Variants in ZNF331 observed in about 807,000 individuals in gnomAD.
ZNF331 encodes zinc finger protein 331, also known as C2H2-like zinc finger protein rearranged in thyroid adenomas.
A neutral mutation model predicts 7.0 loss-of-function variants in ZNF331; 2 were observed. The observed-to-expected ratio is 0.29, with a 90% CI of 0.12 to 0.90. The LOEUF is 0.90. ZNF331 is among the 40% of genes least tolerant of loss of function. ZNF331 has a pLI of 0.58. For missense variants in ZNF331, 432 were observed against 587.7 expected (o/e 0.74, Z 2.74); for synonymous variants, 196 against 205.4 (o/e 0.95, Z 0.39).
chr19:53,577,726 G>C lies in ZNF331; in HGVS notation c.1166G>C (p.Gly389Ala). 1 of 1,614,000 alleles carries C rather than the reference G, an allele frequency of 6.2e-7. No individual in the cohort carries two copies. The highest frequency in any genetic ancestry group is 8.5e-7 in the Non-Finnish European group (1 of 1,179,848). Residue 389 changes from glycine (G) to alanine (A), a missense_variant, in exon 6 of 6, where the codon GGG becomes GCG. Transcript: ENST00000449416. ...ACCCCGTATAAATGTAAGGAGTGTG[G>C]GAAGGCTTTCATTTATGGATCGAGC... The part of the protein sequence containing the change: ...GETPYKCKEC[G>A]KAFIYGSSLV...
chr19:53,577,424 G>A lies in ZNF331; in HGVS notation c.864G>A (p.Gln288=). ...KAFICGSSLI[Q]HKRIHTGEKP... Reference sequence around the variant, plus strand: ...TTATTTGTGGTTCAAGCCTCATTCAGCATAAAAGAATTCACACAGGTGAGA... The same window carrying A: ...TTATTTGTGGTTCAAGCCTCATTCAACATAAAAGAATTCACACAGGTGAGA... The change falls in exon 6 of 6, where the codon CAG becomes CAA. Residue 288 remains glutamine, a synonymous_variant. Coordinates refer to ENST00000449416, the MANE Select transcript of ZNF331 (RefSeq NM_001079906.2). The A allele has an allele frequency of 1.2e-6, 2 of 1,614,086 alleles. No individual in the cohort carries two copies. Among genetic ancestry groups the A allele is most frequent in the Non-Finnish European group, 1.7e-6 (2 of 1,179,994 alleles).
At chr19:53,544,437 C>G (rs956010654) in intron 2 of ZNF331, among the ~76,000 whole-genome samples, 7 of 148,210 alleles carry the variant, frequency 4.7e-5, no homozygotes, top group African/African-American at 1.5e-4. Context: ...CCCAGCTACT[C>G]GGGAGGCTGA....
chr19:53,516,958 A>G (rs539123173), upstream of ZNF331, among the ~76,000 whole-genome samples: 15 of 152,326 alleles, frequency 9.8e-5, no homozygotes, highest in South Asian at 2.9e-3. Flanking sequence ...AAATTTTAAC[A>G]AATTTGATGT....
intron 2 of ZNF331, among the ~76,000 whole-genome samples, chr19:53,544,587 A>G (rs2088464657): frequency 6.7e-6 from 1 of 148,768 alleles, no homozygotes; most frequent in Admixed American, 6.7e-5. Flanking sequence ...ATTCCATGCC[A>G]TCATATAGCA....
upstream of ZNF331, among the ~76,000 whole-genome samples, chr19:53,515,820 T>C (rs932038589): frequency 6.6e-6 from 1 of 152,158 alleles, no homozygotes; most frequent in Admixed American, 6.5e-5. Context: ...TCGAAGCTCC[T>C]TTTAAACCCT....
intron 2 of ZNF331, among the ~76,000 whole-genome samples, chr19:53,532,947 A>G (rs1307262109): frequency 6.6e-6 from 1 of 151,638 alleles, no homozygotes; most frequent in Non-Finnish European, 1.5e-5. Context: ...AATGTTGTTT[A>G]TCTTTTCAAA....
At chr19:53,567,438 C>T (rs2090209373) in intron 3 of ZNF331, among the ~76,000 whole-genome samples, 2 of 152,120 alleles carry the variant, frequency 1.3e-5, no homozygotes, top group African/African-American at 4.8e-5. Context: ...ACAATCCCCC[C>T]ATCCAGAGTT....
the ZNF331 span, among the ~76,000 whole-genome samples, chr19:53,511,371 A>C: frequency 6.6e-6 from 1 of 152,168 alleles, no homozygotes; most frequent in Non-Finnish European, 1.5e-5. Flanking sequence ...AAATAGGAAA[A>C]CATATAACAA....
chr19:53,531,801 C>T (rs1385901044), intron 2 of ZNF331, among the ~76,000 whole-genome samples: 1 of 152,084 alleles, frequency 6.6e-6, no homozygotes, highest in Non-Finnish European at 1.5e-5. Flanking sequence ...CAGTGAGAAG[C>T]AATGTGGTTT....
At chr19:53,549,462 G>T (rs926063580) in intron 2 of ZNF331, among the ~76,000 whole-genome samples, 1 of 152,110 alleles carries the variant, frequency 6.6e-6, no homozygotes, top group Non-Finnish European at 1.5e-5. Context: ...GTTTTTAAGG[G>T]TTTTAAAGTG....
upstream of ZNF331, among the ~76,000 whole-genome samples, chr19:53,518,720 T>G (rs1346324812): frequency 6.6e-6 from 1 of 152,194 alleles, no homozygotes; most frequent in East Asian, 1.9e-4. Context: ...AGAAAAGAGA[T>G]AGGAGAAAAG....
chr19:53,544,796 C>A (rs62143909), intron 2 of ZNF331, among the ~76,000 whole-genome samples: 33,423 of 151,594 alleles, frequency 0.22, 3,933 homozygotes, highest in South Asian at 0.29. Flanking sequence ...TGCAGTGGCA[C>A]AATCTCAGCT....
chr19:53,518,759 C>A (rs1018526689), upstream of ZNF331, among the ~76,000 whole-genome samples: 9 of 152,158 alleles, frequency 5.9e-5, no homozygotes, highest in African/African-American at 2.2e-4. Flanking sequence ...AGGAGAGTAA[C>A]AAAACCCTTG....
intron 3 of ZNF331, among the ~76,000 whole-genome samples, chr19:53,559,901 CAT>C (rs984336089): frequency 1.4e-4 from 21 of 151,242 alleles, no homozygotes; most frequent in Admixed American, 1.1e-3. Flanking sequence ...CATACACACA[CAT>C]ATGTACACAT....
intron 3 of ZNF331, among the ~76,000 whole-genome samples, chr19:53,559,536 GCCA>G (rs1568512920): frequency 3.0e-5 from 4 of 134,020 alleles, no homozygotes; most frequent in Admixed American, 7.6e-5. Context: ...ATACACACAC[GCCA>G]TATATACACA....
At chr19:53,561,055 C>T (rs1371811876) in intron 3 of ZNF331, among the ~76,000 whole-genome samples, 7 of 152,006 alleles carry the variant, frequency 4.6e-5, no homozygotes, top group Non-Finnish European at 1.0e-4. Context: ...CTACTAGGGA[C>T]GCTGAGGTGG....
intron 5 of ZNF331, among the ~76,000 whole-genome samples, chr19:53,574,518 T>C (rs1434900928): frequency 1.4e-5 from 2 of 142,912 alleles, no homozygotes; most frequent in Non-Finnish European, 3.0e-5. Context: ...CTGCTGGTGC[T>C]GCTGGTCTGT....
chr19:53,547,267 C>G (rs1190431829), intron 2 of ZNF331, among the ~76,000 whole-genome samples: 1 of 152,162 alleles, frequency 6.6e-6, no homozygotes, highest in African/African-American at 2.4e-5. Flanking sequence ...TTTTTACACT[C>G]CACATGTAAT....
At chr19:53,569,472 G>A in intron 4 of ZNF331, 87 bp downstream of exon 4, 1 of 1,469,670 alleles carries the variant, frequency 6.8e-7, no homozygotes, top group Non-Finnish European at 9.5e-7. Flanking sequence ...CTTTTATCTA[G>A]TCAAGCTCTT....
Sources: gnomAD v4.1 joint callset for allele counts (sites outside exome capture counted in the v4.1 genomes callset) on GRCh38, gnomAD v4.1.1 for gene constraint, MANE v1.5 for transcripts, NCBI Gene and HGNC (gene_info 2026-07-23, HGNC 2026-07-21) for gene names.